Variants in PTPRD observed in about 807,000 individuals in gnomAD.
The protein encoded by PTPRD is receptor-type tyrosine-protein phosphatase delta.
In PTPRD, 34 loss-of-function variants were observed where a neutral mutation model predicts 214.5. That is an observed-to-expected ratio of 0.16 (90% CI 0.12 to 0.21). PTPRD has a LOEUF of 0.21. Ranked by LOEUF, PTPRD falls within the 10% of genes least tolerant of loss-of-function variation. The pLI is 1.00. For synonymous variants in PTPRD, 1,128 were observed against 845.7 expected, an observed-to-expected ratio of 1.33 and a Z score of -5.79; for missense variants, 2,545 against 2,398.7, an observed-to-expected ratio of 1.06 and a Z score of -1.27.
intron 39 of PTPRD, among the ~76,000 whole-genome samples, chr9:8,360,884 T>A (rs2078295356): frequency 6.6e-6 from 1 of 152,154 alleles, no homozygotes. Context: ...AAGAAACCAG[T>A]TAAACTTACT....
At chr9:9,244,347 G>T (rs1344997891) in intron 9 of PTPRD, among the ~76,000 whole-genome samples, 3 of 152,056 alleles carry the variant, frequency 2.0e-5, no homozygotes, top group Non-Finnish European at 4.4e-5. Context: ...TAAGCCAAAA[G>T]AACAAAGCTG....
At chr9:10,119,435 G>A (rs964479075) in intron 3 of PTPRD, among the ~76,000 whole-genome samples, 1 of 151,952 alleles carries the variant, frequency 6.6e-6, no homozygotes, top group Non-Finnish European at 1.5e-5. Context: ...TAGTACATCT[G>A]ACTTCTAATT....
At chr9:9,643,079 G>C (rs1056984066) in intron 7 of PTPRD, among the ~76,000 whole-genome samples, 1 of 152,178 alleles carries the variant, frequency 6.6e-6, no homozygotes, top group Non-Finnish European at 1.5e-5. Context: ...GACAGAGAGG[G>C]AGAGAGAGAT....
chr9:10,595,303 G>C (rs1408593270), intron 2 of PTPRD, among the ~76,000 whole-genome samples: 1 of 151,794 alleles, frequency 6.6e-6, no homozygotes, highest in Non-Finnish European at 1.5e-5. Flanking sequence ...AATAAAAAGA[G>C]ATGAACTATA....
At chr9:10,401,218 G>C (rs2098264201) in intron 2 of PTPRD, among the ~76,000 whole-genome samples, 2 of 151,426 alleles carry the variant, frequency 1.3e-5, no homozygotes, top group Admixed American at 1.3e-4. Context: ...ATCTTACTTT[G>C]CACTTGCAAT....
chr9:9,988,493 C>G (rs150299313), intron 4 of PTPRD, among the ~76,000 whole-genome samples: 87 of 152,224 alleles, frequency 5.7e-4, no homozygotes, highest in Middle Eastern at 3.4e-3. Flanking sequence ...GATTTGGTAT[C>G]TGTATTTTTA....
intron 32 of PTPRD, among the ~76,000 whole-genome samples, chr9:8,463,891 C>T (rs562566189): frequency 6.6e-6 from 1 of 151,908 alleles, no homozygotes; most frequent in East Asian, 1.9e-4. Context: ...CAAAATGACT[C>T]TAGCTGGATA....
chr9:8,633,297 A>G lies in PTPRD; in HGVS notation c.352+20T>C. 1 of 1,607,192 alleles carries G rather than the reference A, an allele frequency of 6.2e-7. No homozygotes were observed. Among genetic ancestry groups the G allele is most frequent in the Non-Finnish European group, 8.5e-7 (1 of 1,176,690 alleles). On this transcript the variant is annotated intron_variant, in intron 14 of 45. Coordinates refer to ENST00000381196, the MANE Select transcript of PTPRD (RefSeq NM_002839.4). ...AATTGTAACAATGACACAAACGACA[A>G]CCTTCACTTGAGCACTTACCCCGCA... is the stretch of plus-strand genomic sequence containing the variant.
At chr9:10,518,783 T>A (rs112436435) in intron 2 of PTPRD, among the ~76,000 whole-genome samples, 2 of 151,876 alleles carry the variant, frequency 1.3e-5, no homozygotes, top group East Asian at 1.9e-4. Flanking sequence ...CTGCCCGCCT[T>A]GGCCTCCCAA....
At chr9:9,651,822 G>GTTTTTT (rs1470208021) in intron 7 of PTPRD, among the ~76,000 whole-genome samples, 1 of 92,598 alleles carries the variant, frequency 1.1e-5, no homozygotes, top group African/African-American at 3.7e-5. Context: ...TTTATTCAAG[G>GTTTTTT]TTTGTTTTTT....
intron 9 of PTPRD, among the ~76,000 whole-genome samples, chr9:9,350,556 C>A (rs1173564970): frequency 1.3e-5 from 2 of 152,014 alleles, no homozygotes; most frequent in Non-Finnish European, 2.9e-5. Flanking sequence ...GATAAGGTGT[C>A]ATGGTCATCA....
intron 14 of PTPRD, among the ~76,000 whole-genome samples, chr9:8,571,286 C>T (rs1391656689): frequency 2.6e-5 from 4 of 152,090 alleles, no homozygotes; most frequent in African/African-American, 9.7e-5. Context: ...CCTTAAGAGG[C>T]AGGGCCAGCT....
chr9:9,419,128 T>TACATACAC (rs150709902), intron 8 of PTPRD, among the ~76,000 whole-genome samples: 53 of 139,986 alleles, frequency 3.8e-4, no homozygotes, highest in African/African-American at 1.1e-3. Flanking sequence ...AGGCCCCTTA[T>TACATACAC]ACACACACAC....
intron 36 of PTPRD, among the ~76,000 whole-genome samples, chr9:8,392,273 C>T (rs2089862277): frequency 6.6e-6 from 1 of 151,958 alleles, no homozygotes; most frequent in South Asian, 2.1e-4. Flanking sequence ...GCCTGTAATT[C>T]CGACACTTTG....
At chr9:10,248,327 C>T (rs573546687) in intron 3 of PTPRD, among the ~76,000 whole-genome samples, 14 of 151,820 alleles carry the variant, frequency 9.2e-5, no homozygotes, top group East Asian at 2.0e-4. Flanking sequence ...ATAAAAATTA[C>T]GAATTATTAC....
intron 12 of PTPRD, among the ~76,000 whole-genome samples, chr9:8,717,453 C>T (rs1352625058): frequency 6.6e-6 from 1 of 152,112 alleles, no homozygotes; most frequent in Non-Finnish European, 1.5e-5. Flanking sequence ...CAGTTCAGAT[C>T]CTCAAGACCC....
At chr9:10,151,884 G>A (rs544917213) in intron 3 of PTPRD, among the ~76,000 whole-genome samples, 16 of 152,258 alleles carry the variant, frequency 1.1e-4, no homozygotes, top group African/African-American at 3.6e-4. Context: ...TATGTTGTGT[G>A]TATCAATAAT....
chr9:10,293,898 T>C (rs1005351667), intron 3 of PTPRD, among the ~76,000 whole-genome samples: 1 of 151,940 alleles, frequency 6.6e-6, no homozygotes, highest in African/African-American at 2.4e-5. Flanking sequence ...GAATAAATAT[T>C]GTGGGCAAAA....
At chr9:9,018,557 C>G (rs528191069) in intron 11 of PTPRD, 140 bp downstream of exon 11, 2 of 152,096 alleles carry the variant, frequency 1.3e-5, no homozygotes, top group South Asian at 4.1e-4. Flanking sequence ...GTTGAACGTT[C>G]ACTTTTATTC....
Sources: gnomAD v4.1 joint callset for allele counts (sites outside exome capture counted in the v4.1 genomes callset) on GRCh38, gnomAD v4.1.1 for gene constraint, MANE v1.5 for transcripts, NCBI Gene and HGNC (gene_info 2026-07-23, HGNC 2026-07-21) for gene names.